The following SDK1 variants were observed in gnomAD, a reference collection of about 807,000 sequenced individuals.
The protein encoded by SDK1 is protein sidekick-1.
A neutral mutation model predicts 245.5 loss-of-function variants in SDK1; 157 were observed. The observed-to-expected ratio is 0.64, with a 90% CI of 0.56 to 0.73. SDK1 has a LOEUF of 0.73. Ranked by LOEUF, SDK1 falls within the 30% of genes least tolerant of loss-of-function variation. SDK1 has a pLI of 0.00. For synonymous variants in SDK1, 1,647 were observed against 1,278.5 expected, an observed-to-expected ratio of 1.29 and a Z score of -6.15; for missense variants, 3,583 against 3,002.3, an observed-to-expected ratio of 1.19 and a Z score of -4.52.
At chr7:3,749,661 G>C (rs1368887196) in intron 4 of SDK1, among the ~76,000 whole-genome samples, 2 of 152,188 alleles carry the variant, frequency 1.3e-5, no homozygotes, top group Non-Finnish European at 2.9e-5. Context: ...GGATAGAAGT[G>C]ACTGCTGCCC....
chr7:3,755,121 A>C (rs1248719849), intron 4 of SDK1, among the ~76,000 whole-genome samples: 1 of 152,194 alleles, frequency 6.6e-6, no homozygotes, highest in Non-Finnish European at 1.5e-5. Context: ...AAAGGCAGCC[A>C]GAGGGGTGGG....
At chr7:3,547,764 G>A (rs1363403081) in intron 1 of SDK1, among the ~76,000 whole-genome samples, 1 of 152,174 alleles carries the variant, frequency 6.6e-6, no homozygotes, top group African/African-American at 2.4e-5. Context: ...AAAACTGGCT[G>A]TTAGCTAGGT....
chr7:4,197,359 A>G (rs886666477), intron 35 of SDK1, among the ~76,000 whole-genome samples: 1 of 152,112 alleles, frequency 6.6e-6, no homozygotes, highest in Non-Finnish European at 1.5e-5. Context: ...ATAGTGATGT[A>G]TGCCTTTAGT....
At chr7:3,891,197 T>C (rs1052376400) in intron 5 of SDK1, among the ~76,000 whole-genome samples, 8 of 152,280 alleles carry the variant, frequency 5.3e-5, no homozygotes, top group African/African-American at 1.9e-4. Context: ...GCAGTCCTAG[T>C]GTCCTGCTGG....
intron 43 of SDK1, among the ~76,000 whole-genome samples, chr7:4,243,669 C>T (rs1373801312): frequency 6.6e-6 from 1 of 152,180 alleles, no homozygotes; most frequent in Non-Finnish European, 1.5e-5. Flanking sequence ...GAAAGACCTG[C>T]CCCCATGATT....
intron 43 of SDK1, 21 bp from the exon 44 acceptor site, chr7:4,245,655 C>T: frequency 6.2e-7 from 1 of 1,611,844 alleles, no homozygotes; most frequent in Non-Finnish European, 8.5e-7. Flanking sequence ...AGGGTAATTG[C>T]AGCATGGGTC....
At chr7:3,424,796 C>T (rs1391174599) in intron 1 of SDK1, among the ~76,000 whole-genome samples, 2 of 152,100 alleles carry the variant, frequency 1.3e-5, no homozygotes, top group Middle Eastern at 3.4e-3. Context: ...GCTTGGGAGA[C>T]TGAGGCATGA....
intron 1 of SDK1, among the ~76,000 whole-genome samples, chr7:3,409,014 C>T (rs1779126696): frequency 6.6e-6 from 1 of 152,204 alleles, no homozygotes; most frequent in Non-Finnish European, 1.5e-5. Flanking sequence ...ACACATAGTG[C>T]TGGCTTGTCA....
At chr7:3,833,912 A>G (rs1421756599) in intron 5 of SDK1, among the ~76,000 whole-genome samples, 1 of 152,118 alleles carries the variant, frequency 6.6e-6, no homozygotes, top group Non-Finnish European at 1.5e-5. Context: ...TTTGCACTTG[A>G]AGGATGGATA....
At position 3,579,242 on chromosome 7, in the gene SDK1, A is replaced by AG. The variant is rs200892872; in HGVS notation, c.299-39837dup. 5.5e-3 allele frequency among the ~76,000 whole-genome samples: 828 copies of AG among 149,908 alleles called. 11 individuals carry two copies. The highest frequency in any genetic ancestry group is 0.018 in the South Asian group (85 of 4,796). On this transcript the variant is annotated intron_variant, in intron 1 of 44. Transcript: ENST00000404826. ...CAGAGATGCAGAAAAAAATGACTTT[A>AG]GCCAATATCCTTGATGAACGTTGAT...
chr7:3,873,090 G>A (rs1780995812), intron 5 of SDK1, among the ~76,000 whole-genome samples: 1 of 151,804 alleles, frequency 6.6e-6, no homozygotes, highest in South Asian at 2.1e-4. Flanking sequence ...TACTCCTTTT[G>A]CCTGAAGAAT....
Position 3,969,420 on chromosome 7 carries a change from G to A in SDK1, c.1710G>A (p.Val570=), listed in dbSNP as rs755386327. 6 of 1,583,490 alleles carry A rather than the reference G, an allele frequency of 3.8e-6. No homozygotes were observed. The highest frequency in any genetic ancestry group is 5.2e-6 in the Non-Finnish European group (6 of 1,163,332). Residue 570 remains valine (V), a synonymous_variant, in exon 11 of 45, where the codon GTG becomes GTA. Coordinates refer to ENST00000404826, the MANE Select transcript of SDK1 (RefSeq NM_152744.4). ...GSLNASATLT[V]WNRTSIVHPP... is the part of the protein sequence containing the mutation. ...TGAATGCATCGGCCACGCTCACTGTGTGGAGTAAGGAGCAGCCCTCGCACG... is the reference window on the plus strand; with the variant it reads ...TGAATGCATCGGCCACGCTCACTGTATGGAGTAAGGAGCAGCCCTCGCACG...
At chr7:3,627,951 C>G (rs969285162) in intron 2 of SDK1, among the ~76,000 whole-genome samples, 4 of 152,266 alleles carry the variant, frequency 2.6e-5, no homozygotes, top group South Asian at 2.1e-4. Flanking sequence ...TTGTTACTGC[C>G]CAAGTGTCTC....
chr7:4,024,386 AC>A, intron 17 of SDK1, among the ~76,000 whole-genome samples: 1 of 74,024 alleles, frequency 1.4e-5, no homozygotes, highest in South Asian at 3.9e-4. Context: ...GCCCTACAAG[AC>A]TTTCTAGACC....
At chr7:3,927,545 C>G (rs1779814765) in intron 5 of SDK1, among the ~76,000 whole-genome samples, 1 of 152,176 alleles carries the variant, frequency 6.6e-6, no homozygotes, top group African/African-American at 2.4e-5. Context: ...TTAGACTTCA[C>G]AGTCAGAGGC....
intron 1 of SDK1, among the ~76,000 whole-genome samples, chr7:3,389,913 C>CA (rs1360274410): frequency 6.6e-6 from 1 of 152,106 alleles, no homozygotes; most frequent in African/African-American, 2.4e-5. Flanking sequence ...TTGCCTTGAA[C>CA]AGACTGTTCA....
chr7:3,482,712 A>C (rs890362238), intron 1 of SDK1, among the ~76,000 whole-genome samples: 3 of 152,196 alleles, frequency 2.0e-5, no homozygotes, highest in Non-Finnish European at 2.9e-5. Context: ...TACCCAGGCA[A>C]CTGGCAAAAA....
chr7:4,231,400 CAAA>C (rs61517219), intron 40 of SDK1, among the ~76,000 whole-genome samples: 1 of 128,878 alleles, frequency 7.8e-6, no homozygotes, highest in African/African-American at 2.9e-5. Flanking sequence ...CCTGTCACTA[CAAA>C]AAAAAAAAAA....
intron 1 of SDK1, among the ~76,000 whole-genome samples, chr7:3,530,214 C>T (rs139515856): frequency 9.9e-5 from 15 of 152,070 alleles, no homozygotes; most frequent in African/African-American, 2.7e-4. Flanking sequence ...AATAAAGATA[C>T]AATAAACCAT....
Sources: allele counts gnomAD v4.1 joint callset (sites outside exome capture counted in the v4.1 genomes callset), GRCh38; gene constraint gnomAD v4.1.1; transcripts MANE v1.5; gene names NCBI Gene and HGNC (gene_info 2026-07-23, HGNC 2026-07-21).